Variants in MYO1B observed in about 807,000 individuals in gnomAD.
MYO1B encodes the protein unconventional myosin-Ib.
In MYO1B, 72 loss-of-function variants were observed where a neutral mutation model predicts 159.7. The observed-to-expected ratio is 0.45, with a 90% CI of 0.37 to 0.55. The LOEUF is 0.55. Ranked by LOEUF, MYO1B falls within the 20% of genes least tolerant of loss-of-function variation. The probability of loss-of-function intolerance (pLI) is 0.00; values close to 1 mark genes in which losing one functional copy is unlikely to be tolerated. For synonymous variants in MYO1B, 468 were observed against 473.8 expected (o/e 0.99, Z 0.16); for missense variants, 1,062 against 1,364.8 (o/e 0.78, Z 3.50).
At chr2:191,263,271 T>C in intron 1 of MYO1B, 1 of 971,508 alleles carries the variant, frequency 1.0e-6, no homozygotes, top group Non-Finnish European at 1.2e-6. Context: ...TTGCAAAATA[T>C]TTGTTGTACT....
chr2:191,314,620 A>G (rs1386307273), intron 3 of MYO1B, among the ~76,000 whole-genome samples: 5 of 152,220 alleles, frequency 3.3e-5, no homozygotes, highest in Admixed American at 1.3e-4. Context: ...TTTTGGATTC[A>G]ACTCTTCCCA....
intron 6 of MYO1B, 114 bp from the exon 7 acceptor site, chr2:191,350,048 G>A (rs527631146): frequency 2.6e-6 from 2 of 783,790 alleles, no homozygotes; most frequent in East Asian, 2.7e-5. Context: ...GTCTTTCTTA[G>A]TTACATTTAA....
intron 3 of MYO1B, among the ~76,000 whole-genome samples, chr2:191,309,336 C>T (rs996899391): frequency 1.3e-5 from 2 of 152,118 alleles, no homozygotes; most frequent in East Asian, 1.9e-4. Flanking sequence ...GCCACTTGTG[C>T]GTGTGCCAGG....
At chr2:191,374,253 C>T (rs559362489) in intron 13 of MYO1B, among the ~76,000 whole-genome samples, 1 of 152,322 alleles carries the variant, frequency 6.6e-6, no homozygotes, top group Non-Finnish European at 1.5e-5. Flanking sequence ...TTCAGATCCA[C>T]ATCAAGGCAA....
chr2:191,343,166 C>G (rs566169933), intron 5 of MYO1B, among the ~76,000 whole-genome samples: 1 of 152,258 alleles, frequency 6.6e-6, no homozygotes, highest in South Asian at 2.1e-4. Flanking sequence ...CAGAACCACC[C>G]TTGATTAGAA....
At chr2:191,323,699 C>T (rs1173985398) in intron 3 of MYO1B, among the ~76,000 whole-genome samples, 1 of 152,066 alleles carries the variant, frequency 6.6e-6, no homozygotes, top group African/African-American at 2.4e-5. Context: ...ATTTTAAAGC[C>T]TGACTTTCAA....
intron 7 of MYO1B, among the ~76,000 whole-genome samples, chr2:191,353,516 G>A (rs911790009): frequency 2.0e-5 from 3 of 152,178 alleles, no homozygotes; most frequent in African/African-American, 4.8e-5. Context: ...GACTAGACAG[G>A]TCGTCTTGTT....
intron 2 of MYO1B, 73 bp from the exon 3 acceptor site, chr2:191,296,038 A>T: frequency 1.3e-6 from 1 of 790,668 alleles, no homozygotes. Flanking sequence ...AAACCATACA[A>T]CACTAAAGCT....
chr2:191,326,837 C>T lies in MYO1B; in HGVS notation c.252-3098C>T, dbSNP rs1009582633. ...GTGTGCGCGCGCCATATATGTTACT[C>T]ATTTTTGAAGTAATTTTGCATTATT... is the stretch of plus-strand genomic sequence containing the variant. On this transcript the variant is annotated intron_variant, in intron 3 of 30. Coordinates refer to ENST00000392318, the MANE Select transcript of MYO1B (RefSeq NM_001130158.3). Among the ~76,000 whole-genome samples, 4 of 149,304 alleles carry T rather than the reference C, an allele frequency of 2.7e-5. No individual in the cohort carries two copies. In the East Asian group the frequency reaches 6.0e-4, roughly 22 times the overall value.
At chr2:191,266,531 T>G (rs1455961749) in intron 1 of MYO1B, among the ~76,000 whole-genome samples, 1 of 152,172 alleles carries the variant, frequency 6.6e-6, no homozygotes, top group Non-Finnish European at 1.5e-5. Flanking sequence ...GGTGCAGTGT[T>G]GTGAAGAGCT....
chr2:191,304,228 C>G (rs1015878727), intron 3 of MYO1B, among the ~76,000 whole-genome samples: 2 of 152,194 alleles, frequency 1.3e-5, no homozygotes, highest in African/African-American at 4.8e-5. Context: ...CTGCCTTTGA[C>G]TTTCAAAGTT....
intron 2 of MYO1B, among the ~76,000 whole-genome samples, chr2:191,291,725 A>G (rs1231494013): frequency 6.6e-6 from 1 of 152,230 alleles, no homozygotes; most frequent in African/African-American, 2.4e-5. Flanking sequence ...AACTGTAAAT[A>G]GTATGCAGTT....
chr2:191,338,538 T>C (rs531088800), intron 4 of MYO1B, among the ~76,000 whole-genome samples: 1 of 152,300 alleles, frequency 6.6e-6, no homozygotes, highest in African/African-American at 2.4e-5. Context: ...CATTTGACCC[T>C]GAGAGAACTT....
intron 23 of MYO1B, 124 bp downstream of exon 23, chr2:191,400,959 C>T (rs1254527807): frequency 4.5e-6 from 4 of 886,628 alleles, no homozygotes; most frequent in African/African-American, 1.7e-5. Flanking sequence ...ATGTCCTAGC[C>T]GCCAGATTTA....
At chr2:191,324,122 C>T (rs1019202214) in intron 3 of MYO1B, among the ~76,000 whole-genome samples, 3 of 152,040 alleles carry the variant, frequency 2.0e-5, no homozygotes, top group African/African-American at 7.2e-5. Flanking sequence ...TCCTTTCAAC[C>T]TATCTATGAT....
intron 11 of MYO1B, among the ~76,000 whole-genome samples, chr2:191,364,740 A>G (rs889553103): frequency 2.0e-5 from 3 of 152,250 alleles, no homozygotes; most frequent in Admixed American, 6.5e-5. Flanking sequence ...GGAGATGTGC[A>G]CTAACCCAGA....
intron 1 of MYO1B, among the ~76,000 whole-genome samples, chr2:191,254,261 G>A (rs980338077): frequency 1.3e-5 from 2 of 152,038 alleles, no homozygotes; most frequent in South Asian, 4.2e-4. Flanking sequence ...TGCCCAGGCT[G>A]GAGTGCAGTG....
intron 13 of MYO1B, among the ~76,000 whole-genome samples, chr2:191,376,882 T>C (rs1178158020): frequency 1.3e-5 from 2 of 152,220 alleles, no homozygotes; most frequent in East Asian, 3.8e-4. Flanking sequence ...GTATAAAATA[T>C]CATCAGTCTC....
intron 3 of MYO1B, among the ~76,000 whole-genome samples, chr2:191,302,289 GA>G (rs1689383972): frequency 6.6e-6 from 1 of 152,158 alleles, no homozygotes; most frequent in Non-Finnish European, 1.5e-5. Flanking sequence ...CTGTAGGTTA[GA>G]AACTTTATCC....
Sources: allele counts gnomAD v4.1 joint callset (sites outside exome capture counted in the v4.1 genomes callset), GRCh38; gene constraint gnomAD v4.1.1; transcripts MANE v1.5; gene names NCBI Gene and HGNC (gene_info 2026-07-23, HGNC 2026-07-21).